Variants in CCDC171 observed in about 807,000 individuals in gnomAD.
CCDC171 encodes the protein coiled-coil domain-containing protein 171.
Under a neutral mutation model 168.2 loss-of-function variants are expected in CCDC171, and 177 were observed. The ratio of observed to expected loss-of-function variants is 1.05; its 90% CI spans 0.93 to 1.19. The LOEUF is 1.19. CCDC171 is among the 50% of genes most tolerant of loss of function. The pLI is 0.00. For synonymous variants in CCDC171, 687 were observed against 540.8 expected (o/e 1.27, Z -3.75); for missense variants, 1,991 against 1,539.0 (o/e 1.29, Z -4.91).
the CCDC171 span, among the ~76,000 whole-genome samples, chr9:16,075,300 T>C: frequency 3.3e-5 from 5 of 152,226 alleles, no homozygotes; most frequent in African/African-American, 9.6e-5. Flanking sequence ...TGGTGTCAAC[T>C]GTTACTTTTT....
chr9:15,720,153 T>C (rs2053381122), intron 11 of CCDC171, among the ~76,000 whole-genome samples: 2 of 152,250 alleles, frequency 1.3e-5, no homozygotes, highest in South Asian at 4.1e-4. Context: ...TTGATAAATG[T>C]CATAAATATA....
intron 16 of CCDC171, among the ~76,000 whole-genome samples, chr9:15,731,318 A>G (rs78549687): frequency 4.6e-5 from 7 of 152,166 alleles, no homozygotes; most frequent in Admixed American, 3.9e-4. Context: ...TAAGACTTCA[A>G]ACATTTTCAT....
At chr9:15,771,411 C>T (rs1365246772) in intron 18 of CCDC171, among the ~76,000 whole-genome samples, 1 of 152,056 alleles carries the variant, frequency 6.6e-6, no homozygotes, top group Non-Finnish European at 1.5e-5. Flanking sequence ...TATATTATTA[C>T]TTATTTGTAT....
At chr9:15,572,023 C>T (rs779128460) in intron 3 of CCDC171, among the ~76,000 whole-genome samples, 9 of 151,862 alleles carry the variant, frequency 5.9e-5, no homozygotes, top group Non-Finnish European at 1.3e-4. Flanking sequence ...TATTTATGAA[C>T]ATGTTTGATG....
intron 12 of CCDC171, 105 bp downstream of exon 12, chr9:15,721,980 C>G (rs2053513009): frequency 4.5e-6 from 2 of 447,752 alleles, no homozygotes; most frequent in African/African-American, 4.0e-5. Context: ...GTTGAACTGA[C>G]AGCTTCACAG....
At chr9:15,702,569 T>G (rs776802634) in intron 11 of CCDC171, among the ~76,000 whole-genome samples, 2 of 151,976 alleles carry the variant, frequency 1.3e-5, no homozygotes, top group African/African-American at 2.4e-5. Context: ...AACAAGAGAG[T>G]CAGCCTGTCT....
intron 3 of CCDC171, among the ~76,000 whole-genome samples, chr9:15,573,032 A>T (rs1160421483): frequency 6.6e-6 from 1 of 152,056 alleles, no homozygotes; most frequent in Non-Finnish European, 1.5e-5. Flanking sequence ...AGTGGCACAC[A>T]CCTGTAATCT....
intron 18 of CCDC171, among the ~76,000 whole-genome samples, chr9:15,767,824 T>TCCCCTCCCCTCCCCTCCCC (rs1196063300): frequency 3.1e-5 from 1 of 32,188 alleles, no homozygotes; most frequent in Non-Finnish European, 7.3e-5. Flanking sequence ...TTTTCTTTTC[T>TCCCCTCCCCTCCCCTCCCC]TTCCCTCCTT....
chr9:15,757,555 A>G (rs984413892), intron 18 of CCDC171, among the ~76,000 whole-genome samples: 2 of 152,204 alleles, frequency 1.3e-5, no homozygotes, highest in African/African-American at 2.4e-5. Context: ...AGAAAAACCA[A>G]TTTTCTGAGG....
chr9:15,983,317 A>G (rs1011868180), intron 3 of CCDC171, among the ~76,000 whole-genome samples: 8 of 151,858 alleles, frequency 5.3e-5, no homozygotes, highest in Admixed American at 5.2e-4. Context: ...AGTGCTCTTC[A>G]TTTCTCTTTT....
rs182528851 is a variant in CCDC171, at chr9:15,559,870, C to G, written c.-111-4108C>G. Among the ~76,000 whole-genome samples the G allele has an allele frequency of 1.7e-3, 260 of 152,126 alleles. 1 individual carries two copies. The highest frequency in any genetic ancestry group is 5.5e-3 in the African/African-American group (227 of 41,534). On this transcript the variant is annotated intron_variant, in intron 1 of 25. Transcript: ENST00000380701. ...GGCATGTTTTTGCAGTGGCTGGTACCGGTTGTTCCTTTCCATGTTTAGTGC... is the reference window on the plus strand; with the variant it reads ...GGCATGTTTTTGCAGTGGCTGGTACGGGTTGTTCCTTTCCATGTTTAGTGC...
At position 15,729,782 on chromosome 9, in the gene CCDC171, T is replaced by C; in HGVS notation, c.2033T>C (p.Val678Ala). The C allele has an allele frequency of 6.2e-7, 1 of 1,609,468 alleles. No individual in the cohort carries two copies. Among genetic ancestry groups the C allele is most frequent in the Admixed American group, 1.7e-5 (1 of 59,882 alleles). The change falls in exon 16 of 26, where the codon GTG (valine) becomes GCG (alanine). Residue 678 changes from valine to alanine, a missense_variant. Coordinates refer to ENST00000380701, the MANE Select transcript of CCDC171 (RefSeq NM_173550.4). ...ELQYSELFLE[V>A]QKRAQKFQEI... ...CAGTATTCTGAACTCTTCCTGGAGG[T>C]GCAGAAGAGGGCACAGGTATGCTAC...
intron 7 of CCDC171, among the ~76,000 whole-genome samples, chr9:15,643,603 T>C (rs1282462057): frequency 6.6e-6 from 1 of 152,206 alleles, no homozygotes; most frequent in East Asian, 1.9e-4. Context: ...CCTTTAAAAG[T>C]ATACAATTCA....
intron 3 of CCDC171, among the ~76,000 whole-genome samples, chr9:15,998,989 C>G (rs10738422): frequency 0.33 from 50,586 of 152,008 alleles, 10,551 homozygotes; most frequent in East Asian, 0.62. Context: ...TTTTGACACT[C>G]TATTTCAACA....
intron 25 of CCDC171, among the ~76,000 whole-genome samples, chr9:15,945,416 G>A (rs201459058): frequency 6.6e-6 from 1 of 150,558 alleles, no homozygotes; most frequent in Admixed American, 6.7e-5. Flanking sequence ...GGCTGGGTCA[G>A]ATGGTATTTC....
chr9:15,996,304 G>C (rs1188672133), intron 3 of CCDC171, among the ~76,000 whole-genome samples: 1 of 152,080 alleles, frequency 6.6e-6, no homozygotes, highest in South Asian at 2.1e-4. Flanking sequence ...CCTGCTGTTG[G>C]TGCGCCTGGC....
chr9:16,103,470 A>G, the CCDC171 span, among the ~76,000 whole-genome samples: 1 of 152,232 alleles, frequency 6.6e-6, no homozygotes, highest in Non-Finnish European at 1.5e-5. Context: ...ACTGGCATAA[A>G]AGATGCAATG....
chr9:15,905,302 C>T (rs535482681), intron 24 of CCDC171, among the ~76,000 whole-genome samples: 9 of 152,242 alleles, frequency 5.9e-5, no homozygotes, highest in African/African-American at 1.4e-4. Context: ...TATAAAAGAA[C>T]GGAAATTATA....
At chr9:16,002,714 C>T (rs114536585) in intron 3 of CCDC171, among the ~76,000 whole-genome samples, 2,458 of 152,298 alleles carry the variant, frequency 0.016, 61 homozygotes, top group African/African-American at 0.055. Flanking sequence ...ATTCACTCAC[C>T]ACTGGCTTAC....
Sources: allele counts gnomAD v4.1 joint callset (sites outside exome capture counted in the v4.1 genomes callset), GRCh38; gene constraint gnomAD v4.1.1; transcripts MANE v1.5; gene names NCBI Gene and HGNC (gene_info 2026-07-23, HGNC 2026-07-21).